GRXCR1: variants seen among roughly 807,000 people sequenced by gnomAD.
GRXCR1 encodes glutaredoxin domain-containing cysteine-rich protein 1.
A neutral mutation model predicts 27.3 loss-of-function variants in GRXCR1; 27 were observed. That is an observed-to-expected ratio of 0.99 (90% CI 0.73 to 1.37). GRXCR1 has a LOEUF of 1.37. Ranked by LOEUF, GRXCR1 falls within the 40% of genes most tolerant of loss-of-function variation. GRXCR1 has a pLI of 0.00. For synonymous variants in GRXCR1, 122 were observed against 131.1 expected (o/e 0.93, Z 0.47); for missense variants, 379 against 354.4 (o/e 1.07, Z -0.56).
Position 42,990,173 on chromosome 4 carries a change from CTTTTTTTTTTTTTTTTTTTTTTT to C in GRXCR1, c.627+27053_627+27075del, listed in dbSNP as rs745784596. Among the ~76,000 whole-genome samples the C allele has an allele frequency of 6.3e-4, 29 of 46,230 alleles. 2 individuals carry two copies. The South Asian group carries it at 0.029, about 46-fold the overall frequency. 30.3% of individuals were successfully genotyped at this position (46,230 alleles called of 152,430 possible). ...AACTTCTTGAATTGAATTATTAGTT[CTTTTTTTTTTTTTTTTTTTTTTT>C]TTTTTTTTTTTTTGAGACGGAGTCT... On this transcript the variant is annotated intron_variant, in intron 2 of 3. Transcript: ENST00000399770.
At chr4:42,900,460 T>C (rs1254173503) in intron 1 of GRXCR1, among the ~76,000 whole-genome samples, 2 of 152,218 alleles carry the variant, frequency 1.3e-5, no homozygotes, top group East Asian at 1.9e-4. Flanking sequence ...ATTCCCTTTT[T>C]TTGATTCTTA....
chr4:42,973,254 A>G (rs1748429840), intron 2 of GRXCR1, among the ~76,000 whole-genome samples: 1 of 152,184 alleles, frequency 6.6e-6, no homozygotes, highest in South Asian at 2.1e-4. Flanking sequence ...AAACCATAAC[A>G]AAGAGATATA....
chr4:42,989,257 T>C (rs906496638), intron 2 of GRXCR1, among the ~76,000 whole-genome samples: 38 of 152,192 alleles, frequency 2.5e-4, no homozygotes, highest in African/African-American at 9.2e-4. Context: ...AGGCCTCTCT[T>C]CTTGACTTGC....
chr4:42,955,470 G>A (rs147444660), intron 1 of GRXCR1, among the ~76,000 whole-genome samples: 10 of 152,122 alleles, frequency 6.6e-5, no homozygotes, highest in Non-Finnish European at 1.5e-4. Flanking sequence ...TCAGTGTTTC[G>A]TCTTGGCTCA....
intron 2 of GRXCR1, among the ~76,000 whole-genome samples, chr4:42,984,582 G>A (rs890743329): frequency 3.9e-5 from 6 of 152,214 alleles, no homozygotes; most frequent in Admixed American, 3.9e-4. Context: ...TTCTTGGCAG[G>A]CAGTCTGGCA....
intron 2 of GRXCR1, among the ~76,000 whole-genome samples, chr4:42,983,015 C>T (rs1010539023): frequency 1.3e-5 from 2 of 152,070 alleles, no homozygotes; most frequent in African/African-American, 2.4e-5. Flanking sequence ...TGCCTGTTCA[C>T]TCTGATGATA....
chr4:42,958,650 C>T (rs527820218), intron 1 of GRXCR1, among the ~76,000 whole-genome samples: 6 of 152,030 alleles, frequency 3.9e-5, no homozygotes, highest in African/African-American at 1.2e-4. Flanking sequence ...GGAAAATATT[C>T]GTGAGCCATA....
chr4:42,917,710 G>C (rs1361801650), intron 1 of GRXCR1, among the ~76,000 whole-genome samples: 1 of 152,074 alleles, frequency 6.6e-6, no homozygotes. Flanking sequence ...TGGCAGAAAG[G>C]CTACCTTAGT....
At chr4:42,985,743 C>A (rs1577932571) in intron 2 of GRXCR1, among the ~76,000 whole-genome samples, 1 of 151,986 alleles carries the variant, frequency 6.6e-6, no homozygotes, top group Non-Finnish European at 1.5e-5. Context: ...AGTTTCAAAT[C>A]TAGGTTTCCT....
At chr4:42,987,246 A>ATATATAATATG (rs1711787958) in intron 2 of GRXCR1, among the ~76,000 whole-genome samples, 1 of 86,544 alleles carries the variant, frequency 1.2e-5, no homozygotes, top group Non-Finnish European at 2.3e-5. Flanking sequence ...TATATAATAT[A>ATATATAATATG]TAATATATAT....
chr4:43,020,543 G>A (rs1255158804), intron 3 of GRXCR1, 124 bp downstream of exon 3: 1 of 717,490 alleles, frequency 1.4e-6, no homozygotes, highest in African/African-American at 1.8e-5. Flanking sequence ...TAGGATACAT[G>A]TGGCAGTTTT....
intron 1 of GRXCR1, among the ~76,000 whole-genome samples, chr4:42,920,449 C>G (rs904956953): frequency 6.6e-6 from 1 of 151,968 alleles, no homozygotes. Context: ...TATGAAATAA[C>G]GATATATAAG....
At chr4:42,968,012 G>T (rs1748286854) in intron 2 of GRXCR1, among the ~76,000 whole-genome samples, 1 of 152,082 alleles carries the variant, frequency 6.6e-6, no homozygotes, top group Non-Finnish European at 1.5e-5. Flanking sequence ...GCCTTGAGTG[G>T]TTTTCTTAGA....
At chr4:42,909,247 T>A (rs1746664255) in intron 1 of GRXCR1, among the ~76,000 whole-genome samples, 1 of 152,194 alleles carries the variant, frequency 6.6e-6, no homozygotes, top group Non-Finnish European at 1.5e-5. Flanking sequence ...CTGTCAGATT[T>A]GTCTAACATA....
chr4:43,017,761 C>T (rs1712971793), intron 2 of GRXCR1, among the ~76,000 whole-genome samples: 1 of 152,024 alleles, frequency 6.6e-6, no homozygotes, highest in Non-Finnish European at 1.5e-5. Flanking sequence ...ACATTCTTAG[C>T]CAAATACCAA....
At chr4:43,020,036 C>G (rs1054179738) in intron 2 of GRXCR1, among the ~76,000 whole-genome samples, 1 of 152,048 alleles carries the variant, frequency 6.6e-6, no homozygotes, top group African/African-American at 2.4e-5. Context: ...TAGACTGGCT[C>G]CAGGCTCCCT....
At chr4:43,026,465 C>T (rs1467712031) in intron 3 of GRXCR1, among the ~76,000 whole-genome samples, 2 of 134,012 alleles carry the variant, frequency 1.5e-5, no homozygotes, top group Non-Finnish European at 3.0e-5. Context: ...AGTGGGTTGC[C>T]TCAAGCAAGA....
At chr4:42,989,187 A>C (rs565064478) in intron 2 of GRXCR1, among the ~76,000 whole-genome samples, 152 of 152,348 alleles carry the variant, frequency 1.0e-3, no homozygotes, top group Non-Finnish European at 1.8e-3. Flanking sequence ...GGTGGCTTAA[A>C]TAATAGTTTT....
At chr4:42,993,459 T>A (rs1712039296) in intron 2 of GRXCR1, among the ~76,000 whole-genome samples, 1 of 152,056 alleles carries the variant, frequency 6.6e-6, no homozygotes, top group Non-Finnish European at 1.5e-5. Flanking sequence ...TGGGGTTATG[T>A]CTCGGTAAAC....
Sources: allele counts gnomAD v4.1 joint callset (sites outside exome capture counted in the v4.1 genomes callset), GRCh38; gene constraint gnomAD v4.1.1; transcripts MANE v1.5; gene names NCBI Gene and HGNC (gene_info 2026-07-23, HGNC 2026-07-21).